The following NRXN1 variants were observed in gnomAD, a reference collection of about 807,000 sequenced individuals.
NRXN1 encodes neurexin-1.
NRXN1 carries 39 observed loss-of-function variants against 150.9 expected under a neutral mutation model. The observed-to-expected ratio is 0.26, with a 90% CI of 0.20 to 0.34. NRXN1 has a LOEUF of 0.34. Ranked by LOEUF, NRXN1 falls within the 10% of genes least tolerant of loss-of-function variation. The pLI, the probability that NRXN1 is intolerant of heterozygous loss-of-function variation, is 1.00. For synonymous variants in NRXN1, 924 were observed against 757.0 expected (o/e 1.22, Z -3.62); for missense variants, 1,815 against 1,949.9 (o/e 0.93, Z 1.30).
At chr2:50,308,999 G>T (rs79082106) in intron 17 of NRXN1, among the ~76,000 whole-genome samples, 1,717 of 152,266 alleles carry the variant, frequency 0.011, 30 homozygotes, top group African/African-American at 0.039. Flanking sequence ...CGCAGGAGCT[G>T]CCCAGTAAAT....
chr2:50,273,108 G>C (rs983226593), intron 17 of NRXN1, among the ~76,000 whole-genome samples: 11 of 152,098 alleles, frequency 7.2e-5, no homozygotes, highest in African/African-American at 2.7e-4. Flanking sequence ...AAACGACATT[G>C]AGGTACCATT....
At chr2:50,357,692 T>A (rs1156729140) in intron 17 of NRXN1, among the ~76,000 whole-genome samples, 1 of 152,184 alleles carries the variant, frequency 6.6e-6, no homozygotes, top group African/African-American at 2.4e-5. Context: ...ATTTCATGCA[T>A]TAATAAAATT....
At chr2:50,370,468 A>T (rs2079935558) in intron 17 of NRXN1, among the ~76,000 whole-genome samples, 2 of 152,104 alleles carry the variant, frequency 1.3e-5, no homozygotes, top group South Asian at 4.1e-4. Context: ...TGCTGTTAGA[A>T]TGATGCTTTC....
At chr2:50,382,576 C>T (rs2081048292) in intron 17 of NRXN1, among the ~76,000 whole-genome samples, 1 of 152,138 alleles carries the variant, frequency 6.6e-6, no homozygotes, top group Admixed American at 6.5e-5. Flanking sequence ...TTATTAAGTG[C>T]ACACAGCATT....
chr2:50,095,662 G>T (rs1700114085), intron 18 of NRXN1, among the ~76,000 whole-genome samples: 1 of 151,806 alleles, frequency 6.6e-6, no homozygotes, highest in South Asian at 2.1e-4. Context: ...CATTTTCTAG[G>T]TGCAGAAATC....
chr2:50,986,466 T>A (rs1332805104), intron 2 of NRXN1, among the ~76,000 whole-genome samples: 1 of 151,750 alleles, frequency 6.6e-6, no homozygotes, highest in Non-Finnish European at 1.5e-5. Context: ...AGTAAATACA[T>A]CATCTTCTAT....
chr2:50,719,909 C>A (rs1170851644), intron 5 of NRXN1, among the ~76,000 whole-genome samples: 2 of 152,142 alleles, frequency 1.3e-5, no homozygotes, highest in Non-Finnish European at 2.9e-5. Flanking sequence ...TCTGTCATCC[C>A]AAATACACTG....
Position 50,340,634 on chromosome 2 carries a change from C to G in NRXN1, c.3365-103664G>C, listed in dbSNP as rs149857340. On this transcript the variant is annotated intron_variant, in intron 17 of 22. Coordinates refer to ENST00000401669, the MANE Select transcript of NRXN1 (RefSeq NM_001330078.2). The stretch of plus-strand genomic sequence containing the variant: ...ACGTCCCTGGGAAAAGACAACAAGA[C>G]CATGAGGATTTTAAGAAATCCTTAT... Among the ~76,000 whole-genome samples, 225 of 151,884 alleles carry G rather than the reference C, an allele frequency of 1.5e-3. 1 individual carries two copies. The highest frequency in any genetic ancestry group is 5.2e-3 in the African/African-American group (215 of 41,424).
intron 5 of NRXN1, among the ~76,000 whole-genome samples, chr2:50,714,444 G>T (rs183103209): frequency 4.4e-4 from 67 of 152,058 alleles, no homozygotes; most frequent in Admixed American, 1.4e-3. Context: ...CCAACATCAG[G>T]GTCACAGCCA....
At chr2:50,312,207 C>G (rs2075242445) in intron 17 of NRXN1, among the ~76,000 whole-genome samples, 1 of 152,038 alleles carries the variant, frequency 6.6e-6, no homozygotes, top group Admixed American at 6.6e-5. Context: ...GAGATTTCTC[C>G]CCTATTTCTA....
Position 50,347,120 on chromosome 2 carries a change from A to G in NRXN1, c.3365-110150T>C, listed in dbSNP as rs1575170290. 14 of 1,386,442 alleles carry G rather than the reference A, an allele frequency of 1.0e-5. No individual in the cohort carries two copies. Among genetic ancestry groups the G allele is most frequent in the Non-Finnish European group, 1.2e-5 (13 of 1,052,942 alleles). The allele number at this position is 1,386,442 out of a possible 1,614,324, so 85.9% of individuals were successfully genotyped here. On this transcript the variant is annotated intron_variant, in intron 17 of 22. Coordinates refer to ENST00000401669, the MANE Select transcript of NRXN1 (RefSeq NM_001330078.2). The surrounding 1 kb of genome is among the most constrained non-coding windows in gnomAD (Gnocchi z 4.9). Reference sequence around the variant, plus strand: ...TCGGACAGTCTTCTCGGGGTCCTGGAGTCCGCCGTGCCTAGCACCCCAAAC... The same window carrying G: ...TCGGACAGTCTTCTCGGGGTCCTGGGGTCCGCCGTGCCTAGCACCCCAAAC...
chr2:51,007,139 C>A (rs566557716), intron 2 of NRXN1, among the ~76,000 whole-genome samples: 1 of 151,910 alleles, frequency 6.6e-6, no homozygotes, highest in African/African-American at 2.4e-5. Context: ...TATAACTCTT[C>A]GTCTCTTTTT....
At chr2:50,445,770 T>C (rs1287084002) in intron 17 of NRXN1, among the ~76,000 whole-genome samples, 1 of 151,762 alleles carries the variant, frequency 6.6e-6, no homozygotes, top group Non-Finnish European at 1.5e-5. Context: ...GACAGAAAAA[T>C]AGGGTATGTT....
intron 9 of NRXN1, 60 bp from the exon 10 acceptor site, chr2:50,538,696 C>T: frequency 7.5e-7 from 1 of 1,336,194 alleles, no homozygotes; most frequent in South Asian, 2.3e-5. Flanking sequence ...TTATAATTAT[C>T]TTTCTCTCTT....
At chr2:50,449,151 C>A (rs2086732947) in intron 17 of NRXN1, among the ~76,000 whole-genome samples, 1 of 152,118 alleles carries the variant, frequency 6.6e-6, no homozygotes, top group East Asian at 1.9e-4. Flanking sequence ...ATTTCTAATG[C>A]ATAGACGCAG....
At chr2:49,945,670 G>A (rs904936190) in intron 21 of NRXN1, among the ~76,000 whole-genome samples, 3 of 152,058 alleles carry the variant, frequency 2.0e-5, no homozygotes, top group Non-Finnish European at 4.4e-5. Flanking sequence ...AGTTTGCTGA[G>A]AATGGTGGTT....
At chr2:50,901,622 T>C (rs1460752909) in intron 5 of NRXN1, among the ~76,000 whole-genome samples, 1 of 152,170 alleles carries the variant, frequency 6.6e-6, no homozygotes, top group East Asian at 1.9e-4. Context: ...CAAAGTTATA[T>C]ACAAGCAAGA....
At chr2:49,983,597 T>C (rs1680369917) in intron 21 of NRXN1, among the ~76,000 whole-genome samples, 4 of 152,170 alleles carry the variant, frequency 2.6e-5, no homozygotes, top group Admixed American at 2.6e-4. Flanking sequence ...TTGAGTCCTT[T>C]AGATAATGAC....
chr2:49,952,215 C>G (rs1209287465), intron 21 of NRXN1, among the ~76,000 whole-genome samples: 1 of 151,950 alleles, frequency 6.6e-6, no homozygotes, highest in Non-Finnish European at 1.5e-5. Context: ...ATCTTGTTCT[C>G]TAATGAATTT....
Sources: allele counts gnomAD v4.1 joint callset (sites outside exome capture counted in the v4.1 genomes callset), GRCh38; gene constraint gnomAD v4.1.1; non-coding constraint Gnocchi (gnomAD v3.1); transcripts MANE v1.5; gene names NCBI Gene and HGNC (gene_info 2026-07-23, HGNC 2026-07-21).